Variants in CDH13 observed in about 807,000 individuals in gnomAD.
CDH13 encodes cadherin 13.
A neutral mutation model predicts 63.8 loss-of-function variants in CDH13; 24 were observed. The ratio of observed to expected loss-of-function variants is 0.38; its 90% CI spans 0.27 to 0.53. The LOEUF (loss-of-function observed/expected upper bound fraction) is 0.53. Among genes scored for constraint, CDH13 ranks in the 20% least tolerant of loss-of-function variants. The pLI is 0.85. For synonymous variants in CDH13, 503 were observed against 355.3 expected (o/e 1.42, Z -4.67); for missense variants, 1,049 against 903.1 (o/e 1.16, Z -2.07).
At chr16:82,979,451 G>A (rs1006630322) in intron 2 of CDH13, among the ~76,000 whole-genome samples, 2 of 152,106 alleles carry the variant, frequency 1.3e-5, no homozygotes, top group African/African-American at 2.4e-5. Flanking sequence ...GGAGGGACGT[G>A]GGGGGAGACG....
intron 1 of CDH13, among the ~76,000 whole-genome samples, chr16:82,660,945 A>T (rs985171729): frequency 2.0e-5 from 3 of 152,154 alleles, no homozygotes; most frequent in Admixed American, 6.5e-5. Flanking sequence ...CAAAAAAAAA[A>T]AACTATTAAG....
At chr16:82,968,089 A>G (rs11646439) in intron 2 of CDH13, among the ~76,000 whole-genome samples, 22,094 of 152,134 alleles carry the variant, frequency 0.15, 1,935 homozygotes, top group East Asian at 0.32. Flanking sequence ...GCTCCCCCCA[A>G]CTTAAGAATT....
intron 5 of CDH13, among the ~76,000 whole-genome samples, chr16:83,302,538 C>G (rs993213121): frequency 6.6e-6 from 1 of 152,188 alleles, no homozygotes; most frequent in African/African-American, 2.4e-5. Flanking sequence ...TAAATGTCCT[C>G]TCACTTCTTA....
At chr16:83,014,918 A>G (rs558278832) in intron 2 of CDH13, among the ~76,000 whole-genome samples, 108 of 146,698 alleles carry the variant, frequency 7.4e-4, no homozygotes, top group Admixed American at 1.1e-3. Context: ...ATTTACTACT[A>G]CACAGTTGGT....
chr16:83,790,699 G>A (rs910566561), intron 13 of CDH13, among the ~76,000 whole-genome samples: 1 of 152,168 alleles, frequency 6.6e-6, no homozygotes, highest in Non-Finnish European at 1.5e-5. Context: ...CACCATGCCT[G>A]GCCCGGTTGT....
intron 7 of CDH13, among the ~76,000 whole-genome samples, chr16:83,494,399 C>T (rs1018461854): frequency 6.6e-6 from 1 of 152,172 alleles, no homozygotes; most frequent in Non-Finnish European, 1.5e-5. Context: ...ACTTAAATAA[C>T]ATTGTTCTAA....
intron 5 of CDH13, among the ~76,000 whole-genome samples, chr16:83,304,611 ATGAG>A (rs1057300851): frequency 4.6e-5 from 7 of 152,190 alleles, no homozygotes; most frequent in Non-Finnish European, 1.0e-4. Flanking sequence ...GGATAAATAA[ATGAG>A]TATTGTTTTA....
chr16:83,245,612 G>T (rs369700811), intron 5 of CDH13, among the ~76,000 whole-genome samples: 1 of 152,158 alleles, frequency 6.6e-6, no homozygotes, highest in Non-Finnish European at 1.5e-5. Context: ...CATTTGAATT[G>T]TAAATTCAAA....
intron 4 of CDH13, among the ~76,000 whole-genome samples, chr16:83,185,941 T>TCATC (rs1567488271): frequency 6.6e-6 from 1 of 152,138 alleles, no homozygotes; most frequent in African/African-American, 2.4e-5. Context: ...AAACCAATTA[T>TCATC]CATCCCCTTT....
At chr16:83,635,380 G>C (rs1472194604) in intron 8 of CDH13, among the ~76,000 whole-genome samples, 2 of 102,086 alleles carry the variant, frequency 2.0e-5, no homozygotes, top group Non-Finnish European at 3.5e-5. Context: ...GTCTCACTCT[G>C]TTGCCCAGGC....
intron 11 of CDH13, among the ~76,000 whole-genome samples, chr16:83,773,690 C>A (rs550524147): frequency 2.6e-5 from 4 of 152,118 alleles, no homozygotes; most frequent in Non-Finnish European, 5.9e-5. Flanking sequence ...AAAGTGTAGT[C>A]CAGCACAGGG....
chr16:83,362,670 C>G (rs1351274363), intron 6 of CDH13, among the ~76,000 whole-genome samples: 1 of 152,202 alleles, frequency 6.6e-6, no homozygotes, highest in African/African-American at 2.4e-5. Context: ...CTGCCTTTGC[C>G]TGACCTCAAA....
At chr16:83,634,171 A>G (rs1461866320) in intron 8 of CDH13, among the ~76,000 whole-genome samples, 1 of 148,842 alleles carries the variant, frequency 6.7e-6, no homozygotes, top group Non-Finnish European at 1.5e-5. Context: ...GGTCCTACGC[A>G]TTTGATCACA....
intron 6 of CDH13, among the ~76,000 whole-genome samples, chr16:83,360,051 T>C (rs974620772): frequency 6.6e-6 from 1 of 152,224 alleles, no homozygotes; most frequent in African/African-American, 2.4e-5. Context: ...TTCTGCCTGG[T>C]TTATTTTACT....
chr16:82,925,161 T>G (rs898101341), intron 2 of CDH13, among the ~76,000 whole-genome samples: 6 of 152,288 alleles, frequency 3.9e-5, no homozygotes, highest in African/African-American at 1.4e-4. Context: ...CCTGGCCCTC[T>G]GTCAGGGGCT....
At chr16:83,480,925 C>A (rs1305244679) in intron 6 of CDH13, among the ~76,000 whole-genome samples, 1 of 152,214 alleles carries the variant, frequency 6.6e-6, no homozygotes, top group East Asian at 1.9e-4. Flanking sequence ...TAAGGCTTGT[C>A]TTCTGACACA....
At chr16:82,796,634 C>T (rs184918435) in intron 1 of CDH13, among the ~76,000 whole-genome samples, 5 of 152,306 alleles carry the variant, frequency 3.3e-5, no homozygotes, top group African/African-American at 1.2e-4. Flanking sequence ...CACTTGATTC[C>T]AAGGGTGATA....
intron 7 of CDH13, among the ~76,000 whole-genome samples, chr16:83,506,218 A>C (rs1167873958): frequency 6.6e-6 from 1 of 152,222 alleles, no homozygotes; most frequent in Non-Finnish European, 1.5e-5. Context: ...AAGGCTGGTC[A>C]GAGTGAAGAG....
chr16:83,592,811 G>T (rs912214159), intron 7 of CDH13, among the ~76,000 whole-genome samples: 1 of 152,182 alleles, frequency 6.6e-6, no homozygotes, highest in South Asian at 2.1e-4. Flanking sequence ...GCAGGTGACA[G>T]CCAAGAATGT....
Sources: allele counts gnomAD v4.1 joint callset (sites outside exome capture counted in the v4.1 genomes callset), GRCh38; gene constraint gnomAD v4.1.1; transcripts MANE v1.5; gene names NCBI Gene and HGNC (gene_info 2026-07-23, HGNC 2026-07-21).